EIF2AK4: variants seen among roughly 807,000 people sequenced by gnomAD.
EIF2AK4 encodes eukaryotic translation initiation factor 2 alpha kinase 4.
A neutral mutation model predicts 211.1 loss-of-function variants in EIF2AK4; 139 were observed. That is an observed-to-expected ratio of 0.66 (90% CI 0.57 to 0.76). The LOEUF is 0.76. EIF2AK4 is among the 30% of genes least tolerant of loss of function. The probability of loss-of-function intolerance (pLI) is 0.00; values close to 1 mark genes in which losing one functional copy is unlikely to be tolerated. For missense variants in EIF2AK4, 1,664 were observed against 2,043.8 expected (o/e 0.81, Z 3.58); for synonymous variants, 710 against 751.3 (o/e 0.94, Z 0.90).
At position 39,988,059 on chromosome 15, in the gene EIF2AK4, G is replaced by A; in HGVS notation, c.2480G>A (p.Arg827Lys). Residue 827 changes from arginine to lysine, a missense_variant, in exon 15 of 39, where the codon AGG (arginine) becomes AAG (lysine). Coordinates refer to ENST00000263791, the MANE Select transcript of EIF2AK4 (RefSeq NM_001013703.4). The stretch of plus-strand genomic sequence containing the variant: ...TATCGAGACACCGTCAGACTCTGGA[G>A]GCTTTTTCGAGAGATTCTGGATGGA... ...GLYRDTVRLWRLFREILDGLA... is the reference protein window; with the variant it reads ...GLYRDTVRLWKLFREILDGLA... The A allele has an allele frequency of 6.2e-7, 1 of 1,614,144 alleles. No homozygotes were observed. Among genetic ancestry groups the A allele is most frequent in the Non-Finnish European group, 8.5e-7 (1 of 1,180,000 alleles).
At chr15:39,985,444 T>C (rs185528665) in intron 13 of EIF2AK4, among the ~76,000 whole-genome samples, 1 of 152,220 alleles carries the variant, frequency 6.6e-6, no homozygotes, top group East Asian at 1.9e-4. Context: ...CTAACTACCA[T>C]CAGAGAATAC....
Position 40,022,536 on chromosome 15 carries a change from A to G in EIF2AK4, c.4320A>G (p.Gln1440=). The G allele has an allele frequency of 5.0e-6, 8 of 1,614,080 alleles. No individual in the cohort carries two copies. The highest frequency in any genetic ancestry group is 6.8e-6 in the Non-Finnish European group (8 of 1,179,976). Residue 1440 remains glutamine, a synonymous_variant, in exon 32 of 39, where the codon CAA becomes CAG. Transcript: ENST00000263791. ...TGTTTCAGTCCCAAGAGGAATTACA[A>G]GAGTACTGCAGACATCATGAAATCA... is the stretch of plus-strand genomic sequence containing the variant. ...YDWSQSQEEL[Q]EYCRHHEITY...
At chr15:40,033,004 T>C (rs1595441596) in intron 37 of EIF2AK4, among the ~76,000 whole-genome samples, 1 of 152,192 alleles carries the variant, frequency 6.6e-6, no homozygotes, top group Admixed American at 6.5e-5. Context: ...GTGACTTTAT[T>C]TTTCAGATAC....
In EIF2AK4 at chr15:40,035,495, T is replaced by G; in HGVS notation, c.*411T>G. ...AAAAAAAAAGAAAAAAAAAATTTTTTTCTAAGAAGCTGTCCTACAAAGTTG... is the reference window on the plus strand; with the variant it reads ...AAAAAAAAAGAAAAAAAAAATTTTTGTCTAAGAAGCTGTCCTACAAAGTTG... On this transcript the variant is annotated 3_prime_UTR_variant, in exon 39 of 39. Transcript: ENST00000263791. 6.5e-6 allele frequency: 1 copy of G among 153,200 alleles called. No individual in the cohort carries two copies. Among genetic ancestry groups the G allele is most frequent in the South Asian group, 2.1e-4 (1 of 4,840 alleles). 9.5% of individuals were successfully genotyped at this position (153,200 alleles called of 1,614,324 possible). A position where few individuals can be genotyped will look rare whatever the true frequency, so the allele number is the denominator to read the frequency against.
chr15:39,966,586 GAT>G (rs1391864296), intron 8 of EIF2AK4, among the ~76,000 whole-genome samples: 1 of 151,912 alleles, frequency 6.6e-6, no homozygotes. Flanking sequence ...TATAAATTAT[GAT>G]TTATAACCAA....
intron 8 of EIF2AK4, among the ~76,000 whole-genome samples, chr15:39,966,205 C>T (rs969944071): frequency 6.6e-6 from 1 of 152,160 alleles, no homozygotes; most frequent in African/African-American, 2.4e-5. Context: ...TGTAGTGACT[C>T]ATACCTGTAA....
rs1354685597 is a variant in EIF2AK4 at position 39,969,922 on chromosome 15, C to T, written c.1553+2043C>T. On this transcript the variant is annotated intron_variant, in intron 9 of 38. Coordinates refer to ENST00000263791, the MANE Select transcript of EIF2AK4 (RefSeq NM_001013703.4). ...AAATCAGCCTCTGTGATGGGTAAGACTCTGGAGTCAAAACATCTGGGTTCA... is the reference window on the plus strand; with the variant it reads ...AAATCAGCCTCTGTGATGGGTAAGATTCTGGAGTCAAAACATCTGGGTTCA... 3.3e-5 allele frequency among the ~76,000 whole-genome samples: 5 copies of T among 152,184 alleles called. No homozygotes were observed. The East Asian group carries it at 5.8e-4, about 18-fold the overall frequency.
intron 4 of EIF2AK4, among the ~76,000 whole-genome samples, chr15:39,952,798 T>C (rs1315301255): frequency 1.3e-5 from 2 of 152,282 alleles, no homozygotes; most frequent in African/African-American, 2.4e-5. Flanking sequence ...TCTATTTAAG[T>C]GTGTAGCCTA....
In EIF2AK4 at chr15:39,988,060, G is replaced by C. The variant is rs761998319; in HGVS notation, c.2481G>C (p.Arg827Ser). 1 of 1,614,054 alleles carries C rather than the reference G, an allele frequency of 6.2e-7. No individual in the cohort carries two copies. Among genetic ancestry groups the C allele is most frequent in the East Asian group, 2.2e-5 (1 of 44,890 alleles). ...ATCGAGACACCGTCAGACTCTGGAG[G>C]CTTTTTCGAGAGATTCTGGATGGAT... is the stretch of plus-strand genomic sequence containing the variant. Reference protein sequence around the residue: ...GLYRDTVRLWRLFREILDGLA... With the variant: ...GLYRDTVRLWSLFREILDGLA... Residue 827 changes from arginine to serine, a missense_variant, in exon 15 of 39, where the codon AGG becomes AGC. Physicochemically the swap from Arg to Ser is moderately radical, Grantham distance 110. Transcript: ENST00000263791.
intron 1 of EIF2AK4, among the ~76,000 whole-genome samples, chr15:39,936,383 A>G (rs2034064573): frequency 6.6e-6 from 1 of 152,172 alleles, no homozygotes; most frequent in Admixed American, 6.5e-5. Context: ...GCTATTTGCC[A>G]GGGAAAAGTG....
At chr15:40,022,458 T>A in intron 31 of EIF2AK4, 61 bp from the exon 32 acceptor site, 1 of 1,356,798 alleles carries the variant, frequency 7.4e-7, no homozygotes, top group Non-Finnish European at 1.0e-6. Flanking sequence ...TTCTCCTTAA[T>A]TACTTGAAGC....
intron 1 of EIF2AK4, among the ~76,000 whole-genome samples, chr15:39,934,586 T>A (rs2034035462): frequency 6.6e-6 from 1 of 152,182 alleles, no homozygotes; most frequent in South Asian, 2.1e-4. Flanking sequence ...GATTCCTCCC[T>A]CTTACCTGGC....
chr15:40,015,121 T>C (rs1459091712), intron 27 of EIF2AK4, among the ~76,000 whole-genome samples: 1 of 152,188 alleles, frequency 6.6e-6, no homozygotes, highest in Non-Finnish European at 1.5e-5. Context: ...TCTAGGAAGT[T>C]CCAAACTTTC....
At chr15:39,959,446 G>T (rs1041703592) in intron 6 of EIF2AK4, among the ~76,000 whole-genome samples, 2 of 152,152 alleles carry the variant, frequency 1.3e-5, no homozygotes, top group African/African-American at 2.4e-5. Flanking sequence ...GCTACAACCT[G>T]TGCCATGCAG....
chr15:40,028,485 G>C (rs1031137792), intron 33 of EIF2AK4, among the ~76,000 whole-genome samples: 1 of 152,102 alleles, frequency 6.6e-6, no homozygotes. Context: ...AGTTTTACTG[G>C]TATCTAGGAG....
At position 39,934,206 on chromosome 15, in the gene EIF2AK4, G is replaced by T. The variant is rs780175001; in HGVS notation, c.11G>T (p.Gly4Val). The part of the protein sequence containing the change: MAG[G>V]RGAPGRGRDE... ...GGGCGCAGCGCTGCCATGGCTGGGGGCCGTGGGGCCCCCGGGCGCGGCCGG... is the reference window on the plus strand; with the variant it reads ...GGGCGCAGCGCTGCCATGGCTGGGGTCCGTGGGGCCCCCGGGCGCGGCCGG... The change falls in exon 1 of 39, where the codon GGC (glycine) becomes GTC (valine). Residue 4 changes from glycine to valine, a missense_variant. Physicochemically the swap from Gly to Val is moderately radical, Grantham distance 109. Around this residue, in one of 7 missense-constraint regions of EIF2AK4, gnomAD observed 641 missense variants for 729.6 expected, o/e 0.88. Transcript: ENST00000263791. 6.4e-7 allele frequency: 1 copy of T among 1,569,786 alleles called. No homozygotes were observed. The highest frequency in any genetic ancestry group is 1.8e-5 in the Admixed American group (1 of 54,388).
chr15:39,988,109 A>G lies in EIF2AK4; in HGVS notation c.2526+4A>G. 1 of 1,613,836 alleles carries G rather than the reference A, an allele frequency of 6.2e-7. No individual in the cohort carries two copies. The highest frequency in any genetic ancestry group is 8.5e-7 in the Non-Finnish European group (1 of 1,179,918). On this transcript the variant is annotated splice_donor_region_variant and intron_variant, in intron 15 of 38. Transcript: ENST00000263791. ...ATTAGCTTATATCCATGAGAAAGTAAACTTTACAACATTTCATATCTGAAG... is the reference window on the plus strand; with the variant it reads ...ATTAGCTTATATCCATGAGAAAGTAGACTTTACAACATTTCATATCTGAAG...
intron 33 of EIF2AK4, among the ~76,000 whole-genome samples, chr15:40,028,017 G>T (rs534717917): frequency 6.6e-6 from 1 of 151,624 alleles, no homozygotes; most frequent in African/African-American, 2.4e-5. Context: ...TGTAGTTTTG[G>T]TTAGTGGGAT....
At chr15:40,030,326 A>C in intron 34 of EIF2AK4, 33 bp from the exon 35 acceptor site, 1 of 1,600,290 alleles carries the variant, frequency 6.2e-7, no homozygotes. Context: ...GGACCAGATA[A>C]GGCCATAAAT....
Sources: gnomAD v4.1 joint callset for allele counts (sites outside exome capture counted in the v4.1 genomes callset) on GRCh38, gnomAD v4.1.1 for gene constraint, gnomAD v4.1.1 regional missense constraint, MANE v1.5 for transcripts, NCBI Gene and HGNC (gene_info 2026-07-23, HGNC 2026-07-21) for gene names.